The following TEC variants were observed in gnomAD, a reference collection of about 807,000 sequenced individuals.
TEC encodes the protein tyrosine-protein kinase Tec.
TEC carries 72 observed loss-of-function variants against 93.0 expected under a neutral mutation model. The ratio of observed to expected loss-of-function variants is 0.77; its 90% CI spans 0.64 to 0.94. The LOEUF is 0.94. Among genes scored for constraint, TEC ranks in the 40% least tolerant of loss-of-function variants. The pLI is 0.00. For missense variants in TEC, 630 were observed against 757.9 expected (o/e 0.83, Z 1.98); for synonymous variants, 249 against 247.7 (o/e 1.01, Z -0.05).
At chr4:48,251,765 T>C (rs1002053557) in intron 1 of TEC, among the ~76,000 whole-genome samples, 6 of 152,308 alleles carry the variant, frequency 3.9e-5, no homozygotes, top group Middle Eastern at 6.8e-3. Flanking sequence ...TGGGATGATA[T>C]TGTAAATGAC....
chr4:48,198,667 A>G (rs1722386936), intron 2 of TEC, among the ~76,000 whole-genome samples: 1 of 152,182 alleles, frequency 6.6e-6, no homozygotes, highest in Non-Finnish European at 1.5e-5. Flanking sequence ...TAAAAATTCT[A>G]TGCTTTTCTC....
At chr4:48,142,467 C>T (rs1279201353) in intron 14 of TEC, among the ~76,000 whole-genome samples, 1 of 151,856 alleles carries the variant, frequency 6.6e-6, no homozygotes, top group African/African-American at 2.4e-5. Context: ...AGCAAGACTC[C>T]GTCTCAAAAA....
chr4:48,140,345 T>C (rs909253637), intron 15 of TEC, among the ~76,000 whole-genome samples: 8 of 152,166 alleles, frequency 5.3e-5, no homozygotes, highest in Admixed American at 2.0e-4. Flanking sequence ...CCTGAAATAG[T>C]TTATCCTTTT....
chr4:48,145,237 T>C lies in TEC; in HGVS notation c.1312A>G (p.Ile438Val). ...TCCATGAACTCAGTAACAATGTATA[T>C]TGGTTTCTGCTGGGTGCACACACCA... ...LYGVCTQQKP[I>V]YIVTEFMERG... The change falls in exon 14 of 18, where the codon ATA (isoleucine) becomes GTA (valine). Residue 438 changes from isoleucine to valine, a missense_variant. Ile to Val is a conservative substitution (Grantham distance 29). Around this residue, in one of 3 missense-constraint regions of TEC, gnomAD observed 289 missense variants for 390.0 expected, o/e 0.74. Coordinates refer to ENST00000381501, the MANE Select transcript of TEC (RefSeq NM_003215.3). The C allele has an allele frequency of 1.2e-6, 2 of 1,614,170 alleles. No individual in the cohort carries two copies. Among genetic ancestry groups the C allele is most frequent in the Non-Finnish European group, 1.7e-6 (2 of 1,180,018 alleles).
intron 8 of TEC, among the ~76,000 whole-genome samples, chr4:48,159,054 C>T (rs1290961247): frequency 6.6e-6 from 1 of 151,008 alleles, no homozygotes; most frequent in Non-Finnish European, 1.5e-5. Context: ...CTTCTTTCTC[C>T]TCTCCTGTGA....
intron 2 of TEC, among the ~76,000 whole-genome samples, chr4:48,205,360 C>A (rs1722667974): frequency 6.6e-6 from 1 of 152,168 alleles, no homozygotes; most frequent in South Asian, 2.1e-4. Context: ...CCGTTCCCAG[C>A]TCTGTGCTCC....
At chr4:48,173,178 C>T (rs1721184150) in intron 3 of TEC, among the ~76,000 whole-genome samples, 1 of 151,952 alleles carries the variant, frequency 6.6e-6, no homozygotes, top group Non-Finnish European at 1.5e-5. Context: ...TTGACTATTC[C>T]CCTCCTGGAA....
intron 3 of TEC, among the ~76,000 whole-genome samples, chr4:48,175,492 A>T (rs779375185): frequency 7.2e-5 from 11 of 152,198 alleles, no homozygotes; most frequent in Non-Finnish European, 1.2e-4. Flanking sequence ...ATCCAACTCC[A>T]CATTCCTGAG....
chr4:48,226,075 G>C (rs556821388), intron 2 of TEC, among the ~76,000 whole-genome samples: 3 of 152,094 alleles, frequency 2.0e-5, no homozygotes, highest in Non-Finnish European at 4.4e-5. Flanking sequence ...GAAGGAAGAG[G>C]GATGCCACTG....
intron 8 of TEC, among the ~76,000 whole-genome samples, chr4:48,157,890 G>A (rs1170339435): frequency 2.0e-5 from 3 of 152,090 alleles, no homozygotes; most frequent in Non-Finnish European, 4.4e-5. Context: ...AGAGATACTT[G>A]CCTCTCTCTA....
chr4:48,259,186 T>C (rs1320109519), intron 1 of TEC, among the ~76,000 whole-genome samples: 2 of 152,240 alleles, frequency 1.3e-5, no homozygotes, highest in Non-Finnish European at 2.9e-5. Flanking sequence ...TCAAGTGAAC[T>C]GTTAATTATG....
intron 3 of TEC, among the ~76,000 whole-genome samples, chr4:48,172,652 A>T (rs1721162600): frequency 7.9e-6 from 1 of 126,656 alleles, no homozygotes; most frequent in Non-Finnish European, 1.7e-5. Context: ...ATGATGCTAT[A>T]TACCATTCGC....
At chr4:48,223,395 GATT>G (rs1434142805) in intron 2 of TEC, among the ~76,000 whole-genome samples, 1 of 151,940 alleles carries the variant, frequency 6.6e-6, no homozygotes, top group Non-Finnish European at 1.5e-5. Flanking sequence ...GGAATATCAA[GATT>G]ATTTCAAAGA....
At chr4:48,181,058 T>C (rs964963005) in intron 2 of TEC, among the ~76,000 whole-genome samples, 3 of 152,012 alleles carry the variant, frequency 2.0e-5, no homozygotes, top group Admixed American at 2.0e-4. Context: ...GGCTAACGGA[T>C]TTTGAGTTTG....
At chr4:48,171,543 T>C in intron 3 of TEC, 94 bp from the exon 4 acceptor site, 2 of 836,290 alleles carry the variant, frequency 2.4e-6, no homozygotes. Flanking sequence ...CACCAATAAA[T>C]GATTCTCAAA....
intron 1 of TEC, among the ~76,000 whole-genome samples, chr4:48,234,093 A>C: frequency 6.6e-6 from 1 of 152,216 alleles, no homozygotes; most frequent in Non-Finnish European, 1.5e-5. Flanking sequence ...AAAGCATCAA[A>C]ATTCAGAATG....
At chr4:48,209,203 T>A (rs969000808) in intron 2 of TEC, among the ~76,000 whole-genome samples, 1 of 152,214 alleles carries the variant, frequency 6.6e-6, no homozygotes, top group Non-Finnish European at 1.5e-5. Flanking sequence ...TTTTTTTAAT[T>A]TTTTTCTTCT....
rs1180368385 is a variant in TEC, at chr4:48,195,818, T to A, written c.139-19632A>T. Among the ~76,000 whole-genome samples, 6 of 152,294 alleles carry A rather than the reference T, an allele frequency of 3.9e-5. No individual in the cohort carries two copies. The East Asian group carries it at 1.2e-3, about 29-fold the overall frequency. ...GCTAATGCAACTAACTCTCAATTGC[T>A]CTAGTGAAACTAACTCTCATTCATC... On this transcript the variant is annotated intron_variant, in intron 2 of 17. Coordinates refer to ENST00000381501, the MANE Select transcript of TEC (RefSeq NM_003215.3).
chr4:48,149,776 T>G, intron 10 of TEC, 86 bp from the exon 11 acceptor site: 1 of 1,359,086 alleles, frequency 7.4e-7, no homozygotes, highest in South Asian at 1.5e-5. Context: ...GCAACCACAG[T>G]GTCTCTCCAT....
Sources: gnomAD v4.1 joint callset for allele counts (sites outside exome capture counted in the v4.1 genomes callset) on GRCh38, gnomAD v4.1.1 for gene constraint, gnomAD v4.1.1 regional missense constraint, MANE v1.5 for transcripts, NCBI Gene and HGNC (gene_info 2026-07-23, HGNC 2026-07-21) for gene names.